The following WWOX variants were observed in gnomAD, a reference collection of about 807,000 sequenced individuals.
The protein encoded by WWOX is WW domain containing oxidoreductase, also known as WW domain-containing oxidoreductase.
A neutral mutation model predicts 46.2 loss-of-function variants in WWOX; 69 were observed. That is an observed-to-expected ratio of 1.49 (90% confidence interval 1.23 to 1.82). The LOEUF (loss-of-function observed/expected upper bound fraction) is 1.82, where lower values mean the gene tolerates loss of function less well. WWOX is among the 40% of genes most tolerant of loss of function. The pLI is 0.00. For missense variants in WWOX, 919 were observed against 542.6 expected (o/e 1.69, Z -6.89); for synonymous variants, 359 against 202.6 (o/e 1.77, Z -6.56).
At chr16:78,868,971 A>G (rs182443835) in intron 8 of WWOX, among the ~76,000 whole-genome samples, 1 of 152,186 alleles carries the variant, frequency 6.6e-6, no homozygotes, top group East Asian at 1.9e-4. Context: ...ACACACAGAC[A>G]CACACACACA....
In WWOX at chr16:78,343,239, T is replaced by C. The variant is rs1017711278; in HGVS notation, c.517-43621T>C. On this transcript the variant is annotated intron_variant, in intron 5 of 8. Transcript: ENST00000566780. ...GGAGGGTCTTCTTATTCTGTGTGTG[T>C]GCCCTCTGCTGTTGAAAGTTGCCTG... is the stretch of plus-strand genomic sequence containing the variant. Among the ~76,000 whole-genome samples, 4 of 120,334 alleles carry C rather than the reference T, an allele frequency of 3.3e-5. 1 individual carries two copies. The highest frequency in any genetic ancestry group is 8.1e-5 in the Admixed American group (1 of 12,338). The allele number at this position is 120,334 out of a possible 152,430, so 78.9% of individuals were successfully genotyped here. A position where few individuals can be genotyped will look rare whatever the true frequency, so the allele number is the denominator to read the frequency against.
intron 4 of WWOX, among the ~76,000 whole-genome samples, chr16:78,157,587 T>C (rs1352465938): frequency 6.6e-6 from 1 of 152,256 alleles, no homozygotes; most frequent in Non-Finnish European, 1.5e-5. Flanking sequence ...GCATCTGATT[T>C]AAGTATCAGA....
intron 8 of WWOX, among the ~76,000 whole-genome samples, chr16:78,822,460 C>G (rs996715092): frequency 4.2e-5 from 6 of 142,486 alleles, no homozygotes; most frequent in Non-Finnish European, 9.1e-5. Context: ...CGCCAGTGTA[C>G]TCCAGCCTGA....
intron 5 of WWOX, among the ~76,000 whole-genome samples, chr16:78,367,700 G>T (rs902302199): frequency 2.0e-5 from 3 of 152,006 alleles, no homozygotes; most frequent in African/African-American, 7.2e-5. Flanking sequence ...TTTGGAAGGA[G>T]AATTGACTTG....
rs1052034583 is a variant in WWOX, at chr16:78,556,102, C to CT, written c.1056+123351dup. On this transcript the variant is annotated intron_variant, in intron 8 of 8. Transcript: ENST00000566780. ...GATTCATTCATTGTTCCATAGGTACCTAGAGGGTCAATTAGAGACCACAGA... is the reference window on the plus strand; with the variant it reads ...GATTCATTCATTGTTCCATAGGTACCTTAGAGGGTCAATTAGAGACCACAGA... Among the ~76,000 whole-genome samples, 10 of 152,026 alleles carry CT rather than the reference C, an allele frequency of 6.6e-5. No individual in the cohort carries two copies. In the South Asian group the frequency reaches 8.3e-4, roughly 13 times the overall value.
chr16:78,857,084 A>G (rs926795560), intron 8 of WWOX, among the ~76,000 whole-genome samples: 2 of 152,236 alleles, frequency 1.3e-5, no homozygotes, highest in African/African-American at 2.4e-5. Context: ...ACCATTGCAT[A>G]TGTGGTTCAT....
intron 1 of WWOX, among the ~76,000 whole-genome samples, chr16:78,107,016 C>T (rs368366336): frequency 3.9e-5 from 6 of 152,160 alleles, no homozygotes; most frequent in Admixed American, 3.9e-4. Context: ...GCCAGCAGTT[C>T]ATGAAAAGAC....
intron 8 of WWOX, among the ~76,000 whole-genome samples, chr16:78,832,134 G>C (rs2051844810): frequency 6.6e-6 from 1 of 152,206 alleles, no homozygotes; most frequent in South Asian, 2.1e-4. Context: ...CTTTTCTGAA[G>C]TTGCCAGCAA....
chr16:78,551,747 T>C (rs2044178545), intron 8 of WWOX: 1 of 151,904 alleles, frequency 6.6e-6, no homozygotes, highest in South Asian at 2.1e-4. Context: ...AAAGCAGACT[T>C]TGTCTTCCTC....
At chr16:78,668,325 C>A (rs78861154) in intron 8 of WWOX, among the ~76,000 whole-genome samples, 1,655 of 152,194 alleles carry the variant, frequency 0.011, 18 homozygotes, top group South Asian at 0.036. Context: ...CATACCCCCA[C>A]GCCTGTCTTT....
intron 5 of WWOX, among the ~76,000 whole-genome samples, chr16:78,178,497 C>T (rs142764214): frequency 6.6e-6 from 1 of 152,278 alleles, no homozygotes; most frequent in African/African-American, 2.4e-5. Flanking sequence ...TAGTGATGGG[C>T]ACTTTAGGAG....
At chr16:78,758,621 T>C (rs1029795388) in intron 8 of WWOX, among the ~76,000 whole-genome samples, 3 of 152,166 alleles carry the variant, frequency 2.0e-5, no homozygotes, top group Non-Finnish European at 4.4e-5. Flanking sequence ...TTTTAGCTTG[T>C]CCTTCCCGTT....
At chr16:78,589,198 G>C (rs559323704) in intron 8 of WWOX, among the ~76,000 whole-genome samples, 3 of 152,178 alleles carry the variant, frequency 2.0e-5, no homozygotes, top group African/African-American at 7.2e-5. Context: ...TTATTTTTTA[G>C]AGTTTCTTAT....
In WWOX at chr16:78,760,445, T is replaced by C. The variant is rs549823119; in HGVS notation, c.1056+327693T>C. Among the ~76,000 whole-genome samples the C allele has an allele frequency of 3.9e-5, 6 of 152,310 alleles. No individual in the cohort carries two copies. The East Asian group carries it at 9.7e-4, about 25-fold the overall frequency. ...ATCACACTTGCATTTGATTTTATCA[T>C]GCAAGGTAGCATACTCACAGGTGGG... On this transcript the variant is annotated intron_variant, in intron 8 of 8. Transcript: ENST00000566780.
At chr16:78,361,285 G>T (rs545194196) in intron 5 of WWOX, among the ~76,000 whole-genome samples, 2 of 152,172 alleles carry the variant, frequency 1.3e-5, no homozygotes, top group Admixed American at 6.5e-5. Flanking sequence ...ATCTCAGGTA[G>T]AACATAATGT....
chr16:78,521,206 T>A (rs963778883), intron 8 of WWOX, among the ~76,000 whole-genome samples: 1 of 152,188 alleles, frequency 6.6e-6, no homozygotes, highest in Admixed American at 6.5e-5. Context: ...CTTGGCTCTT[T>A]GATATTATTT....
intron 8 of WWOX, among the ~76,000 whole-genome samples, chr16:78,557,024 C>T (rs1056576615): frequency 1.3e-5 from 2 of 151,994 alleles, no homozygotes; most frequent in Non-Finnish European, 2.9e-5. Flanking sequence ...AGCCGGCAAA[C>T]TTACTTTAAA....
chr16:78,351,060 A>G (rs2081174187), intron 5 of WWOX, among the ~76,000 whole-genome samples: 1 of 152,200 alleles, frequency 6.6e-6, no homozygotes, highest in Non-Finnish European at 1.5e-5. Context: ...GATATTGAAC[A>G]TCTCTTCATA....
intron 8 of WWOX, among the ~76,000 whole-genome samples, chr16:78,604,294 G>A (rs965523232): frequency 5.3e-5 from 8 of 152,078 alleles, no homozygotes; most frequent in African/African-American, 1.9e-4. Context: ...TGCCTTCATG[G>A]TCTTACATCT....
Sources: allele counts gnomAD v4.1 joint callset (sites outside exome capture counted in the v4.1 genomes callset), GRCh38; gene constraint gnomAD v4.1.1; transcripts MANE v1.5; gene names NCBI Gene and HGNC (gene_info 2026-07-23, HGNC 2026-07-21).